The following TRIM55 variants were observed in gnomAD, a reference collection of about 807,000 sequenced individuals.
TRIM55 encodes tripartite motif containing 55.
Under a neutral mutation model 60.9 loss-of-function variants are expected in TRIM55, and 50 were observed. The observed-to-expected ratio is 0.82, with a 90% CI of 0.65 to 1.04. The LOEUF (loss-of-function observed/expected upper bound fraction) is 1.04, where lower values mean the gene tolerates loss of function less well. Among genes scored for constraint, TRIM55 ranks in the 50% least tolerant of loss-of-function variants. The probability of loss-of-function intolerance (pLI) is 0.00; values close to 1 mark genes in which losing one functional copy is unlikely to be tolerated. For missense variants in TRIM55, 681 were observed against 666.9 expected (o/e 1.02, Z -0.23); for synonymous variants, 237 against 238.1 (o/e 1.00, Z 0.04).
chr8:66,120,981 C>T, the TRIM55 span, among the ~76,000 whole-genome samples: 4 of 152,326 alleles, frequency 2.6e-5, 1 homozygote, highest in South Asian at 4.1e-4. Context: ...TTTGGCCTAA[C>T]TCCAGGTAGG....
At chr8:66,136,985 G>T in intron 3 of TRIM55, 110 bp from the exon 4 acceptor site, 1 of 815,166 alleles carries the variant, frequency 1.2e-6, no homozygotes, top group Non-Finnish European at 1.9e-6. Flanking sequence ...GTCCTTAGGG[G>T]TTGCATGGAT....
chr8:66,127,193 A>T lies in TRIM55; in HGVS notation c.-76A>T, dbSNP rs1462028227. 6.9e-7 allele frequency: 1 copy of T among 1,438,904 alleles called. No homozygotes were observed. Among genetic ancestry groups the T allele is most frequent in the Non-Finnish European group, 9.5e-7 (1 of 1,050,648 alleles). The allele number at this position is 1,438,904 out of a possible 1,614,324, so 89.1% of individuals were successfully genotyped here. A position where few individuals can be genotyped will look rare whatever the true frequency, so the allele number is the denominator to read the frequency against. ...GGACACTTGATCACACAATCCCTGG[A>T]ATAATATCCAGGAAACACTTGCTGG... On this transcript the variant is annotated 5_prime_UTR_variant, in exon 1 of 10. Transcript: ENST00000315962.
At chr8:66,127,970 A>T (rs1808914820) in intron 1 of TRIM55, among the ~76,000 whole-genome samples, 2 of 151,706 alleles carry the variant, frequency 1.3e-5, no homozygotes, top group Admixed American at 6.6e-5. Context: ...TAAGAATCAT[A>T]TTTTTTTTTA....
At chr8:66,164,056 C>T (rs1421898267) in intron 9 of TRIM55, among the ~76,000 whole-genome samples, 2 of 151,074 alleles carry the variant, frequency 1.3e-5, no homozygotes, top group Non-Finnish European at 2.9e-5. Context: ...CTTTTTGTGT[C>T]TGCATGCTGA....
intron 2 of TRIM55, among the ~76,000 whole-genome samples, chr8:66,132,168 TG>T (rs1421953215): frequency 6.6e-6 from 1 of 152,174 alleles, no homozygotes; most frequent in African/African-American, 2.4e-5. Context: ...AAGATCAGTT[TG>T]GGCAGGCACA....
upstream of TRIM55, among the ~76,000 whole-genome samples, chr8:66,121,948 T>TC (rs1331745225): frequency 6.6e-6 from 1 of 152,136 alleles, no homozygotes; most frequent in Admixed American, 6.5e-5. Context: ...GTCCAGAATT[T>TC]CCCCAACCTC....
chr8:66,172,001 G>A (rs1434785245), intron 9 of TRIM55, among the ~76,000 whole-genome samples: 1 of 151,896 alleles, frequency 6.6e-6, no homozygotes, highest in Non-Finnish European at 1.5e-5. Context: ...GTCATAAACA[G>A]TACCCAGGGG....
chr8:66,168,979 T>A (rs952164029), intron 9 of TRIM55, among the ~76,000 whole-genome samples: 1 of 152,200 alleles, frequency 6.6e-6, no homozygotes, highest in South Asian at 2.1e-4. Context: ...ACAAGACAGG[T>A]AAGCGTTAGT....
intron 9 of TRIM55, among the ~76,000 whole-genome samples, chr8:66,158,346 A>C (rs1227755723): frequency 6.6e-6 from 1 of 152,194 alleles, no homozygotes; most frequent in Non-Finnish European, 1.5e-5. Context: ...TTACTATATC[A>C]TAATGATTTG....
At chr8:66,121,279 G>A in the TRIM55 span, among the ~76,000 whole-genome samples, 1 of 152,204 alleles carries the variant, frequency 6.6e-6, no homozygotes, top group African/African-American at 2.4e-5. Flanking sequence ...TCCAGCCCCA[G>A]GCTGGTGGGA....
At chr8:66,157,326 G>A (rs1810800076) in intron 9 of TRIM55, among the ~76,000 whole-genome samples, 1 of 152,220 alleles carries the variant, frequency 6.6e-6, no homozygotes, top group African/African-American at 2.4e-5. Flanking sequence ...AAGGACACCT[G>A]TTCATGATGG....
chr8:66,147,794 C>CAAAAAAAAAAAAAA (rs1180935272), intron 4 of TRIM55, among the ~76,000 whole-genome samples: 1 of 44,184 alleles, frequency 2.3e-5, no homozygotes, highest in Non-Finnish European at 4.9e-5. Context: ...GACTCCATCT[C>CAAAAAAAAAAAAAA]AAAAAAAAAA....
In TRIM55 at chr8:66,150,206, T is replaced by C. The variant is rs758579699; in HGVS notation, c.838-11T>C. On this transcript the variant is annotated splice_polypyrimidine_tract_variant and intron_variant, in intron 5 of 9. Transcript: ENST00000315962. Reference sequence around the variant, plus strand: ...AATTTAAGTAAGACTATCTTTTGTTTGCTTTCACAGAATGCCAAAACCCTG... The same window carrying C: ...AATTTAAGTAAGACTATCTTTTGTTCGCTTTCACAGAATGCCAAAACCCTG... 6 of 1,611,996 alleles carry C rather than the reference T, an allele frequency of 3.7e-6. No individual in the cohort carries two copies. The highest frequency in any genetic ancestry group is 2.2e-5 in the South Asian group (2 of 90,506).
upstream of TRIM55, among the ~76,000 whole-genome samples, chr8:66,122,101 GA>G (rs917155814): frequency 3.9e-5 from 6 of 152,076 alleles, no homozygotes; most frequent in Admixed American, 1.3e-4. Flanking sequence ...AAGGAATGGA[GA>G]AAAAAGAATG....
intron 9 of TRIM55, among the ~76,000 whole-genome samples, chr8:66,165,530 A>T (rs1220533754): frequency 6.6e-6 from 1 of 152,214 alleles, no homozygotes; most frequent in Non-Finnish European, 1.5e-5. Context: ...AACGGAAGTG[A>T]ATGAAAATTT....
At chr8:66,163,673 G>T (rs2128984863) in intron 9 of TRIM55, among the ~76,000 whole-genome samples, 1 of 152,306 alleles carries the variant, frequency 6.6e-6, no homozygotes, top group South Asian at 2.1e-4. Context: ...AGTTTATTAA[G>T]ATTTGTTTTA....
chr8:66,154,333 A>G lies in TRIM55; in HGVS notation c.1523A>G (p.Gln508Arg). 1 of 1,613,550 alleles carries G rather than the reference A, an allele frequency of 6.2e-7. No individual in the cohort carries two copies. Among genetic ancestry groups the G allele is most frequent in the East Asian group, 2.2e-5 (1 of 44,868 alleles). ...ACTAGTGCACCTGCAGCTACTTCTC[A>G]GGTTAGTGATGATGCACTTGTGTCT... Reference protein sequence around the residue: ...KETSAPAATSQIGFEAPPLQG... With the variant: ...KETSAPAATSRIGFEAPPLQG... The change falls in exon 9 of 10, where the codon CAG becomes CGG. Residue 508 changes from glutamine to arginine, a missense_variant and splice_region_variant. Coordinates refer to ENST00000315962, the MANE Select transcript of TRIM55 (RefSeq NM_184085.2).
Position 66,128,391 on chromosome 8 carries a change from G to A in TRIM55, c.256G>A (p.Val86Ile), listed in dbSNP as rs774787420. The part of the protein sequence containing the change: ...FRCPSCRHEV[V>I]LDRHGVYGLQ... ...CTGCCCATCCTGTAGACATGAAGTG[G>A]TTTTGGATAGACATGGGGTATATGG... is the stretch of plus-strand genomic sequence containing the variant. Residue 86 changes from valine (V) to isoleucine (I), a missense_variant, in exon 2 of 10, where the codon GTT (valine) becomes ATT (isoleucine). By Grantham distance (29) the Val-to-Ile change is conservative (BLOSUM62 3). Transcript: ENST00000315962. 12 of 1,613,868 alleles carry A rather than the reference G, an allele frequency of 7.4e-6. No homozygotes were observed. The highest frequency in any genetic ancestry group is 6.8e-6 in the Non-Finnish European group (8 of 1,179,880).
intron 9 of TRIM55, among the ~76,000 whole-genome samples, chr8:66,171,934 A>G (rs1234752259): frequency 6.6e-6 from 1 of 151,258 alleles, no homozygotes; most frequent in East Asian, 1.9e-4. Flanking sequence ...AATTCTGGAA[A>G]AATGAGATTG....
Sources: gnomAD v4.1 joint callset for allele counts (sites outside exome capture counted in the v4.1 genomes callset) on GRCh38, gnomAD v4.1.1 for gene constraint, MANE v1.5 for transcripts, NCBI Gene and HGNC (gene_info 2026-07-23, HGNC 2026-07-21) for gene names.